ANKS1B: variants seen among roughly 807,000 people sequenced by gnomAD.
ANKS1B encodes ankyrin repeat and sterile alpha motif domain-containing protein 1B.
ANKS1B carries 36 observed loss-of-function variants against 148.3 expected under a neutral mutation model. That is an observed-to-expected ratio of 0.24 (90% confidence interval 0.19 to 0.32). ANKS1B has a LOEUF of 0.32. ANKS1B is among the 10% of genes least tolerant of loss of function. The pLI is 1.00. For missense variants in ANKS1B, 1,157 were observed against 1,542.6 expected, an observed-to-expected ratio of 0.75 and a Z score of 4.19; for synonymous variants, 542 against 560.8, an observed-to-expected ratio of 0.97 and a Z score of 0.47.
intron 9 of ANKS1B, among the ~76,000 whole-genome samples, chr12:99,557,923 G>A (rs1567345724): frequency 6.6e-6 from 1 of 152,136 alleles, no homozygotes; most frequent in African/African-American, 2.4e-5. Context: ...ACTTTAGGGG[G>A]CCAAGGCTCA....
At chr12:99,770,758 CT>C (rs2063118953) in intron 8 of ANKS1B, among the ~76,000 whole-genome samples, 1 of 152,048 alleles carries the variant, frequency 6.6e-6, no homozygotes, top group Non-Finnish European at 1.5e-5. Flanking sequence ...ACTCTCTCAT[CT>C]TTCCCCTTTG....
chr12:98,823,894 T>C (rs2099223206), intron 19 of ANKS1B, among the ~76,000 whole-genome samples: 1 of 152,248 alleles, frequency 6.6e-6, no homozygotes, highest in Admixed American at 6.5e-5. Context: ...GTAGAATTTC[T>C]GGGAACAACA....
At chr12:98,742,134 C>T (rs763133283), downstream of ANKS1B, among the ~76,000 whole-genome samples, 3 of 152,264 alleles carry the variant, frequency 2.0e-5, no homozygotes, top group Non-Finnish European at 2.9e-5. Context: ...CTCATCTGTA[C>T]TCGTGAAGTC....
chr12:99,966,708 A>G (rs1390733275), intron 1 of ANKS1B, among the ~76,000 whole-genome samples: 1 of 152,180 alleles, frequency 6.6e-6, no homozygotes, highest in Non-Finnish European at 1.5e-5. Flanking sequence ...ACACCTCAAG[A>G]TATTTCCATA....
At chr12:99,804,618 C>A (rs1943911063) in intron 4 of ANKS1B, among the ~76,000 whole-genome samples, 1 of 152,120 alleles carries the variant, frequency 6.6e-6, no homozygotes, top group South Asian at 2.1e-4. Context: ...AATATAACCC[C>A]ATCTGTGAGC....
chr12:99,734,780 C>T (rs1193237055), intron 8 of ANKS1B, among the ~76,000 whole-genome samples: 2 of 152,190 alleles, frequency 1.3e-5, no homozygotes, highest in Non-Finnish European at 2.9e-5. Flanking sequence ...CTTCTGTGAA[C>T]TTTACCAAAA....
chr12:99,963,512 T>G (rs1358820834), intron 1 of ANKS1B, among the ~76,000 whole-genome samples: 1 of 152,216 alleles, frequency 6.6e-6, no homozygotes, highest in Non-Finnish European at 1.5e-5. Flanking sequence ...CATGCAAAGC[T>G]GAATGATCTT....
At chr12:99,674,732 T>C (rs2098554306) in intron 8 of ANKS1B, among the ~76,000 whole-genome samples, 1 of 151,822 alleles carries the variant, frequency 6.6e-6, no homozygotes, top group African/African-American at 2.4e-5. Context: ...GCATTTCTAC[T>C]ATAAATAGTA....
intron 12 of ANKS1B, among the ~76,000 whole-genome samples, chr12:99,289,547 A>C (rs1443771566): frequency 1.3e-5 from 2 of 152,114 alleles, no homozygotes; most frequent in Non-Finnish European, 2.9e-5. Flanking sequence ...AGAATTAAAA[A>C]ATATTGAAAT....
chr12:99,526,442 A>G (rs77652052), intron 9 of ANKS1B, among the ~76,000 whole-genome samples: 1 of 152,206 alleles, frequency 6.6e-6, no homozygotes, highest in East Asian at 1.9e-4. Flanking sequence ...TATCTAAAAA[A>G]TGCTAAATGC....
intron 9 of ANKS1B, among the ~76,000 whole-genome samples, chr12:99,581,897 C>CAA (rs369048602): frequency 0.017 from 1,004 of 60,526 alleles, 12 homozygotes; most frequent in African/African-American, 0.054. Context: ...GACTCCGTCT[C>CAA]AAAAAAAAAA....
At position 99,568,105 on chromosome 12, in the gene ANKS1B, A is replaced by G. The variant is rs956230590; in HGVS notation, c.1273-63464T>C. 2.6e-5 allele frequency among the ~76,000 whole-genome samples: 4 copies of G among 152,354 alleles called. No homozygotes were observed. In the East Asian group the frequency reaches 5.8e-4, roughly 22 times the overall value. On this transcript the variant is annotated intron_variant, in intron 9 of 26. Transcript: ENST00000683438. The stretch of plus-strand genomic sequence containing the variant: ...AATTTATTGGCTTCAAACACTCACA[A>G]TATTTTACTATTCTCTAAGTCAGAA...
At chr12:99,709,021 T>C (rs2056245901) in intron 8 of ANKS1B, among the ~76,000 whole-genome samples, 2 of 152,146 alleles carry the variant, frequency 1.3e-5, no homozygotes, top group Admixed American at 6.6e-5. Context: ...CTAAACACTT[T>C]ATTAATTGTT....
chr12:98,743,038 T>C (rs2097815197), downstream of ANKS1B, among the ~76,000 whole-genome samples: 1 of 152,270 alleles, frequency 6.6e-6, no homozygotes, highest in African/African-American at 2.4e-5. Context: ...ACGGATTTCC[T>C]GAACATGGCC....
chr12:99,732,177 A>G (rs1242317422), intron 8 of ANKS1B, among the ~76,000 whole-genome samples: 1 of 152,216 alleles, frequency 6.6e-6, no homozygotes, highest in Non-Finnish European at 1.5e-5. Context: ...GTACAGAGCA[A>G]CTGTAATACT....
chr12:99,561,233 CT>C (rs2097333261), intron 9 of ANKS1B, among the ~76,000 whole-genome samples: 1 of 151,866 alleles, frequency 6.6e-6, no homozygotes, highest in South Asian at 2.1e-4. Flanking sequence ...GCATGTGATG[CT>C]GTTTGACAGC....
At chr12:99,281,804 T>C (rs1166906166) in intron 12 of ANKS1B, among the ~76,000 whole-genome samples, 3 of 152,210 alleles carry the variant, frequency 2.0e-5, no homozygotes, top group Non-Finnish European at 4.4e-5. Context: ...TTCATCACTA[T>C]TAATTAATTC....
intron 17 of ANKS1B, among the ~76,000 whole-genome samples, chr12:99,010,957 G>C (rs896254857): frequency 6.8e-6 from 1 of 147,082 alleles, no homozygotes; most frequent in African/African-American, 2.6e-5. Context: ...TGCCCAGGCT[G>C]GTCTTGAAGT....
intron 17 of ANKS1B, among the ~76,000 whole-genome samples, chr12:98,922,924 GTCAATT>G (rs1387420584): frequency 6.6e-6 from 1 of 152,180 alleles, no homozygotes; most frequent in Non-Finnish European, 1.5e-5. Context: ...ATGCATCACA[GTCAATT>G]TCCTGAGGGT....
Sources: gnomAD v4.1 joint callset for allele counts (sites outside exome capture counted in the v4.1 genomes callset) on GRCh38, gnomAD v4.1.1 for gene constraint, MANE v1.5 for transcripts, NCBI Gene and HGNC (gene_info 2026-07-23, HGNC 2026-07-21) for gene names.